GALNTL6: variants seen among roughly 807,000 people sequenced by gnomAD.
The protein encoded by GALNTL6 is polypeptide N-acetylgalactosaminyltransferase like 6.
In GALNTL6, 46 loss-of-function variants were observed where a neutral mutation model predicts 73.7. The ratio of observed to expected loss-of-function variants is 0.62; its 90% CI spans 0.49 to 0.80. The LOEUF is 0.80. Among genes scored for constraint, GALNTL6 ranks in the 30% least tolerant of loss-of-function variants. The pLI, the probability that GALNTL6 is intolerant of heterozygous loss-of-function variation, is 0.00. For missense variants in GALNTL6, 604 were observed against 755.0 expected, an observed-to-expected ratio of 0.80 and a Z score of 2.34; for synonymous variants, 259 against 263.7, an observed-to-expected ratio of 0.98 and a Z score of 0.17.
chr4:172,207,873 A>G (rs1736193302), intron 2 of GALNTL6, among the ~76,000 whole-genome samples: 2 of 152,246 alleles, frequency 1.3e-5, no homozygotes, highest in Non-Finnish European at 2.9e-5. Context: ...TTCCTAAACT[A>G]CAGCGTATTT....
At chr4:172,277,584 T>G (rs969591224) in intron 3 of GALNTL6, among the ~76,000 whole-genome samples, 4 of 152,206 alleles carry the variant, frequency 2.6e-5, no homozygotes, top group African/African-American at 9.6e-5. Flanking sequence ...AATTGATAAC[T>G]ATTTTTGTTC....
chr4:171,898,918 T>C (rs986838205), intron 2 of GALNTL6, among the ~76,000 whole-genome samples: 1 of 152,028 alleles, frequency 6.6e-6, no homozygotes, highest in Non-Finnish European at 1.5e-5. Context: ...ATAGTCTTGG[T>C]ATTAAAGAAG....
chr4:172,400,721 G>A (rs140773692), intron 5 of GALNTL6, among the ~76,000 whole-genome samples: 1 of 152,190 alleles, frequency 6.6e-6, no homozygotes, highest in Non-Finnish European at 1.5e-5. Context: ...TTGATGTTAG[G>A]ATGATGGCAC....
chr4:171,935,143 C>T lies in GALNTL6; in HGVS notation c.138+120425C>T, dbSNP rs74595597. Among the ~76,000 whole-genome samples the T allele has an allele frequency of 1.7e-3, 259 of 152,176 alleles. 2 individuals are homozygous for T. Among genetic ancestry groups the T allele is most frequent in the Admixed American group, 0.012 (180 of 15,270 alleles). The stretch of plus-strand genomic sequence containing the variant: ...TGGGCAGTGATGTGAGAGGTACTTC[C>T]GGACAGGTTCCAGTTAGATTTATAA... On this transcript the variant is annotated intron_variant, in intron 2 of 12. Coordinates refer to ENST00000506823, the MANE Select transcript of GALNTL6 (RefSeq NM_001034845.3).
chr4:172,209,518 C>T (rs1736257361), intron 2 of GALNTL6, among the ~76,000 whole-genome samples: 1 of 151,236 alleles, frequency 6.6e-6, no homozygotes, highest in Non-Finnish European at 1.5e-5. Flanking sequence ...CATTTTAATG[C>T]TACATTTTAT....
chr4:172,114,264 T>C (rs1323854394), intron 2 of GALNTL6, among the ~76,000 whole-genome samples: 2 of 152,196 alleles, frequency 1.3e-5, no homozygotes, highest in African/African-American at 2.4e-5. Flanking sequence ...GAAAAGATGC[T>C]GTTTTATGCA....
intron 5 of GALNTL6, among the ~76,000 whole-genome samples, chr4:172,460,413 G>A (rs758371639): frequency 6.6e-6 from 1 of 152,004 alleles, no homozygotes; most frequent in Admixed American, 6.6e-5. Context: ...CAAAAGAAAT[G>A]ATCATCAGAG....
At chr4:172,154,836 AAGTC>A (rs1734206746) in intron 2 of GALNTL6, among the ~76,000 whole-genome samples, 2 of 152,344 alleles carry the variant, frequency 1.3e-5, no homozygotes, top group East Asian at 3.9e-4. Flanking sequence ...TTCTCTCTCT[AAGTC>A]AGTAAATGTT....
At chr4:172,324,206 A>G (rs1330065575) in intron 4 of GALNTL6, among the ~76,000 whole-genome samples, 1 of 152,016 alleles carries the variant, frequency 6.6e-6, no homozygotes, top group African/African-American at 2.4e-5. Context: ...ATCCTTAAAA[A>G]TACACTGTCA....
chr4:172,143,605 A>G (rs1733854711), intron 2 of GALNTL6, among the ~76,000 whole-genome samples: 1 of 152,108 alleles, frequency 6.6e-6, no homozygotes, highest in South Asian at 2.1e-4. Context: ...TATCTAAAAC[A>G]TCTAAAGTAA....
intron 2 of GALNTL6, among the ~76,000 whole-genome samples, chr4:172,206,657 A>G (rs988568570): frequency 4.6e-5 from 7 of 152,054 alleles, no homozygotes; most frequent in Non-Finnish European, 8.8e-5. Flanking sequence ...TGAGAAAGAG[A>G]CCGTCATGTA....
chr4:172,739,637 T>G (rs1335164908), intron 5 of GALNTL6, among the ~76,000 whole-genome samples: 1 of 152,188 alleles, frequency 6.6e-6, no homozygotes, highest in Non-Finnish European at 1.5e-5. Context: ...TAAAAACTCT[T>G]GAAAATTGTA....
At chr4:173,002,850 A>G (rs1012453022) in intron 10 of GALNTL6, among the ~76,000 whole-genome samples, 3 of 151,990 alleles carry the variant, frequency 2.0e-5, no homozygotes, top group Non-Finnish European at 4.4e-5. Flanking sequence ...GTTCCGATAC[A>G]TGCTACAATG....
intron 2 of GALNTL6, among the ~76,000 whole-genome samples, chr4:172,178,288 T>A (rs191557852): frequency 2.9e-3 from 435 of 152,284 alleles, no homozygotes; most frequent in Non-Finnish European, 4.3e-3. Flanking sequence ...TTTCTTTTTT[T>A]AAAAAATTAT....
intron 2 of GALNTL6, among the ~76,000 whole-genome samples, chr4:172,092,699 A>G (rs1732238562): frequency 6.6e-6 from 1 of 152,080 alleles, no homozygotes; most frequent in Non-Finnish European, 1.5e-5. Flanking sequence ...TAATCAAAAG[A>G]TCTAATAAAA....
At chr4:173,020,982 A>G (rs996691057) in intron 11 of GALNTL6, among the ~76,000 whole-genome samples, 2 of 152,220 alleles carry the variant, frequency 1.3e-5, no homozygotes. Context: ...CTGAGGCAGG[A>G]GAATCGCTTG....
chr4:172,683,701 G>C (rs11730738), intron 5 of GALNTL6, among the ~76,000 whole-genome samples: 52,934 of 152,044 alleles, frequency 0.35, 9,725 homozygotes, highest in Middle Eastern at 0.48. Context: ...TATTCCTGTA[G>C]AATCTAGTTA....
At chr4:172,666,877 G>A (rs1477194474) in intron 5 of GALNTL6, 1 of 152,206 alleles carries the variant, frequency 6.6e-6, no homozygotes, top group African/African-American at 2.4e-5. Flanking sequence ...AGCAAGAATT[G>A]TGTAACTATT....
At chr4:172,435,784 G>A (rs1049892588) in intron 5 of GALNTL6, among the ~76,000 whole-genome samples, 7 of 152,108 alleles carry the variant, frequency 4.6e-5, no homozygotes, top group South Asian at 2.1e-4. Context: ...ACTAGTAAAC[G>A]TCTGATTCTA....
Sources: allele counts gnomAD v4.1 joint callset (sites outside exome capture counted in the v4.1 genomes callset), GRCh38; gene constraint gnomAD v4.1.1; transcripts MANE v1.5; gene names NCBI Gene and HGNC (gene_info 2026-07-23, HGNC 2026-07-21).